Variants in NXPH1 observed in about 807,000 individuals in gnomAD.
The protein encoded by NXPH1 is neurexophilin-1.
A neutral mutation model predicts 23.7 loss-of-function variants in NXPH1; 5 were observed. The ratio of observed to expected loss-of-function variants is 0.21; its 90% CI spans 0.11 to 0.44. The LOEUF (loss-of-function observed/expected upper bound fraction) is 0.44, where lower values mean the gene tolerates loss of function less well. Among genes scored for constraint, NXPH1 ranks in the 20% least tolerant of loss-of-function variants. The probability of loss-of-function intolerance (pLI) is 0.99; values close to 1 mark genes in which losing one functional copy is unlikely to be tolerated. For synonymous variants in NXPH1, 144 were observed against 122.2 expected (o/e 1.18, Z -1.18); for missense variants, 324 against 321.6 (o/e 1.01, Z -0.06).
chr7:8,627,476 G>T (rs1820017610), intron 2 of NXPH1, among the ~76,000 whole-genome samples: 1 of 152,098 alleles, frequency 6.6e-6, no homozygotes, highest in Admixed American at 6.6e-5. Flanking sequence ...AGTTGCCATG[G>T]CAGCAGCACC....
In NXPH1 at chr7:8,739,199, A is replaced by C. The variant is rs1007348508; in HGVS notation, c.55-11809A>C. On this transcript the variant is annotated intron_variant, in intron 2 of 2. Coordinates refer to ENST00000405863, the MANE Select transcript of NXPH1 (RefSeq NM_152745.3). Reference sequence around the variant, plus strand: ...AAAAAAAAAAAAAAAAAAAAAAAAAAAAAAACCCTGCAGCTAGCTCTTTGT... The same window carrying C: ...AAAAAAAAAAAAAAAAAAAAAAAAACAAAAACCCTGCAGCTAGCTCTTTGT... 1.4e-3 allele frequency among the ~76,000 whole-genome samples: 195 copies of C among 142,018 alleles called. 2 individuals are homozygous for C. Among genetic ancestry groups the C allele is most frequent in the African/African-American group, 4.9e-3 (189 of 38,250 alleles). The allele number at this position is 142,018 out of a possible 152,430, so 93.2% of individuals were successfully genotyped here.
At position 8,567,408 on chromosome 7, in the gene NXPH1, G is replaced by A. The variant is rs190988119; in HGVS notation, c.54+131641G>A. 7.2e-5 allele frequency among the ~76,000 whole-genome samples: 11 copies of A among 152,034 alleles called. No individual in the cohort carries two copies. In the East Asian group the frequency reaches 2.1e-3, roughly 30 times the overall value. ...GAGCATTACATTTCTTTGTGGAAAAGGCTGTGGGCAGGGCCCACAATGACT... is the reference window on the plus strand; with the variant it reads ...GAGCATTACATTTCTTTGTGGAAAAAGCTGTGGGCAGGGCCCACAATGACT... On this transcript the variant is annotated intron_variant, in intron 2 of 2. Coordinates refer to ENST00000405863, the MANE Select transcript of NXPH1 (RefSeq NM_152745.3).
chr7:8,683,810 T>C (rs1821097228), intron 2 of NXPH1, among the ~76,000 whole-genome samples: 1 of 152,094 alleles, frequency 6.6e-6, no homozygotes. Flanking sequence ...GCCTGCTTAA[T>C]ATGAAAAATA....
chr7:8,748,138 A>T (rs555918502), intron 2 of NXPH1, among the ~76,000 whole-genome samples: 2 of 152,278 alleles, frequency 1.3e-5, no homozygotes, highest in South Asian at 2.1e-4. Flanking sequence ...ACTTTATCCT[A>T]TTAGAAATTA....
At chr7:8,694,359 T>G (rs561274185) in intron 2 of NXPH1, among the ~76,000 whole-genome samples, 2 of 152,312 alleles carry the variant, frequency 1.3e-5, no homozygotes, top group Non-Finnish European at 2.9e-5. Context: ...GGAAAATGAA[T>G]TTTTGAAGTC....
rs1816164285 is a variant in NXPH1 at position 8,435,008 on chromosome 7, G to A, written c.-111+253G>A. ...TCTGTGTGCGCCAGGGGTTCGAATG[G>A]GTAAACTGATCCCTGCTTTCCTGTA... On this transcript the variant is annotated intron_variant, in intron 1 of 2. Coordinates refer to ENST00000405863, the MANE Select transcript of NXPH1 (RefSeq NM_152745.3). This position sits in a 1 kb window ranked among gnomAD's most constrained non-coding sequence, Gnocchi z 5.9. The A allele has an allele frequency of 6.6e-6, 1 of 152,552 alleles. No homozygotes were observed. Among genetic ancestry groups the A allele is most frequent in the South Asian group, 2.1e-4 (1 of 4,804 alleles). The allele number at this position is 152,552 out of a possible 1,614,324, so 9.4% of individuals were successfully genotyped here. A position where few individuals can be genotyped will look rare whatever the true frequency, so the allele number is the denominator to read the frequency against.
In NXPH1 at chr7:8,704,982, G is replaced by A. The variant is rs60581598; in HGVS notation, c.55-46026G>A. Among the ~76,000 whole-genome samples, 721 of 152,162 alleles carry A rather than the reference G, an allele frequency of 4.7e-3. 5 individuals are homozygous for A. Among genetic ancestry groups the A allele is most frequent in the African/African-American group, 0.016 (684 of 41,518 alleles). On this transcript the variant is annotated intron_variant, in intron 2 of 2. Transcript: ENST00000405863. ...ACTAACTAGGGTGACTATGCACTTG[G>A]GAGAGAGAAATGCCCAAAATATATA...
At chr7:8,516,646 C>T (rs745544139) in intron 2 of NXPH1, among the ~76,000 whole-genome samples, 5 of 152,074 alleles carry the variant, frequency 3.3e-5, no homozygotes, top group African/African-American at 7.2e-5. Context: ...GGAATTGCTT[C>T]ATCTAAGTTA....
At chr7:8,604,290 T>C (rs1819428273) in intron 2 of NXPH1, among the ~76,000 whole-genome samples, 1 of 152,138 alleles carries the variant, frequency 6.6e-6, no homozygotes, top group East Asian at 1.9e-4. Flanking sequence ...AGCCTGATCT[T>C]TTATATTTCT....
chr7:8,707,415 C>T (rs1265599368), intron 2 of NXPH1, among the ~76,000 whole-genome samples: 1 of 152,102 alleles, frequency 6.6e-6, no homozygotes, highest in Admixed American at 6.6e-5. Context: ...ATGTTTACCC[C>T]ATCTAAATAG....
At chr7:8,533,004 T>A (rs188081668) in intron 2 of NXPH1, among the ~76,000 whole-genome samples, 139 of 152,294 alleles carry the variant, frequency 9.1e-4, no homozygotes, top group African/African-American at 3.1e-3. Flanking sequence ...TGAGGGGCAC[T>A]GTTCTGAGTG....
At chr7:8,726,645 T>C (rs1780059448) in intron 2 of NXPH1, among the ~76,000 whole-genome samples, 1 of 150,354 alleles carries the variant, frequency 6.7e-6, no homozygotes, top group Non-Finnish European at 1.5e-5. Flanking sequence ...TTCATCCATG[T>C]CCCTACAAAG....
intron 2 of NXPH1, among the ~76,000 whole-genome samples, chr7:8,650,813 G>A (rs1264263186): frequency 6.6e-6 from 1 of 152,102 alleles, no homozygotes; most frequent in Admixed American, 6.6e-5. Flanking sequence ...TAATACAGAC[G>A]TAAGTAGTAT....
intron 2 of NXPH1, among the ~76,000 whole-genome samples, chr7:8,536,480 TG>T (rs1818028180): frequency 6.6e-6 from 1 of 152,044 alleles, no homozygotes; most frequent in South Asian, 2.1e-4. Flanking sequence ...TGGCTCTTTT[TG>T]CTAGTAGTTT....
chr7:8,679,426 T>A (rs1821016890), intron 2 of NXPH1, among the ~76,000 whole-genome samples: 1 of 152,148 alleles, frequency 6.6e-6, no homozygotes, highest in Non-Finnish European at 1.5e-5. Context: ...TTTATCTGTG[T>A]ATCTCATATA....
chr7:8,594,422 C>T (rs1233529109), intron 2 of NXPH1, among the ~76,000 whole-genome samples: 1 of 151,944 alleles, frequency 6.6e-6, no homozygotes, highest in African/African-American at 2.4e-5. Context: ...GTTGACATTA[C>T]CCTGTTTAGA....
intron 2 of NXPH1, among the ~76,000 whole-genome samples, chr7:8,482,453 GT>G (rs2128609984): frequency 6.6e-6 from 1 of 152,238 alleles, no homozygotes; most frequent in South Asian, 2.1e-4. Flanking sequence ...GAGTCTTTAG[GT>G]TCTCTTTTGG....
chr7:8,710,947 C>G lies in NXPH1; in HGVS notation c.55-40061C>G, dbSNP rs533634973. The stretch of plus-strand genomic sequence containing the variant: ...AAAGTGCTGGGACTACAGGCGTGAG[C>G]CACCGCGCCCGGCCGTTACGGTTTT... On this transcript the variant is annotated intron_variant, in intron 2 of 2. Coordinates refer to ENST00000405863, the MANE Select transcript of NXPH1 (RefSeq NM_152745.3). 2.0e-5 allele frequency among the ~76,000 whole-genome samples: 3 copies of G among 152,012 alleles called. No homozygotes were observed. The South Asian group carries it at 6.2e-4, about 32-fold the overall frequency.
intron 2 of NXPH1, among the ~76,000 whole-genome samples, chr7:8,620,330 C>T (rs1819839299): frequency 6.6e-6 from 1 of 152,200 alleles, no homozygotes; most frequent in African/African-American, 2.4e-5. Flanking sequence ...ACCTCCCCTT[C>T]CTACCGACAG....
Sources: gnomAD v4.1 joint callset for allele counts (sites outside exome capture counted in the v4.1 genomes callset) on GRCh38, gnomAD v4.1.1 for gene constraint, Gnocchi (gnomAD v3.1) non-coding constraint, MANE v1.5 for transcripts, NCBI Gene and HGNC (gene_info 2026-07-23, HGNC 2026-07-21) for gene names.